UBA2: variants seen among roughly 807,000 people sequenced by gnomAD.
UBA2 encodes the protein ubiquitin like modifier activating enzyme 2.
UBA2 carries 11 observed loss-of-function variants against 77.2 expected under a neutral mutation model. The ratio of observed to expected loss-of-function variants is 0.14; its 90% CI spans 0.09 to 0.24. UBA2 has a LOEUF of 0.24. Ranked by LOEUF, UBA2 falls within the 10% of genes least tolerant of loss-of-function variation. UBA2 has a pLI of 1.00. For synonymous variants in UBA2, 278 were observed against 276.7 expected, an observed-to-expected ratio of 1.00 and a Z score of -0.05; for missense variants, 487 against 781.7, an observed-to-expected ratio of 0.62 and a Z score of 4.50.
At chr19:34,461,954 C>G (rs2075636113) in intron 14 of UBA2, among the ~76,000 whole-genome samples, 1 of 152,140 alleles carries the variant, frequency 6.6e-6, no homozygotes, top group Admixed American at 6.5e-5. Flanking sequence ...AAGAAGAGAG[C>G]ATTTAGACAG....
chr19:34,445,924 A>C (rs927527022), intron 8 of UBA2, among the ~76,000 whole-genome samples: 1 of 152,064 alleles, frequency 6.6e-6, no homozygotes, highest in African/African-American at 2.4e-5. Context: ...GGGTCTACCT[A>C]ATTATTGTTC....
intron 12 of UBA2, among the ~76,000 whole-genome samples, chr19:34,456,176 G>A (rs1218100205): frequency 7.5e-6 from 1 of 133,320 alleles, no homozygotes; most frequent in Non-Finnish European, 1.6e-5. Flanking sequence ...GTACAGTGAT[G>A]TGATCTCGGC....
At chr19:34,434,772 T>C (rs1164770169) in intron 4 of UBA2, 96 bp from the exon 5 acceptor site, 3 of 887,132 alleles carry the variant, frequency 3.4e-6, no homozygotes, top group African/African-American at 3.4e-5. Flanking sequence ...GTACAAAAAA[T>C]GAAGCCAGTA....
intron 6 of UBA2, among the ~76,000 whole-genome samples, chr19:34,439,333 C>T (rs1487194485): frequency 6.6e-6 from 1 of 151,910 alleles, no homozygotes; most frequent in Non-Finnish European, 1.5e-5. Flanking sequence ...ACAAATAACC[C>T]ATTGGTTATA....
At chr19:34,462,417 G>A (rs949367355) in intron 14 of UBA2, among the ~76,000 whole-genome samples, 3 of 152,140 alleles carry the variant, frequency 2.0e-5, no homozygotes, top group Non-Finnish European at 4.4e-5. Context: ...TGAATGTGAT[G>A]GTTCCAAGAG....
At chr19:34,439,206 CAAAA>C (rs34519506) in intron 6 of UBA2, among the ~76,000 whole-genome samples, 2 of 87,098 alleles carry the variant, frequency 2.3e-5, no homozygotes, top group East Asian at 4.2e-4. Context: ...GAATTTGTCT[CAAAA>C]AAAAAAAAAA....
chr19:34,438,835 T>A lies in UBA2; in HGVS notation c.581+69T>A. 4 of 1,580,262 alleles carry A rather than the reference T, an allele frequency of 2.5e-6. No individual in the cohort carries two copies. The South Asian group carries it at 4.6e-5, about 18-fold the overall frequency. ...GGAAAATGGAGTCATTTTTATTTAA[T>A]TACCTTGAAGAGATTGAACTCAGGA... On this transcript the variant is annotated intron_variant, in intron 6 of 16. Transcript: ENST00000246548.
At chr19:34,467,089 A>ATG in intron 16 of UBA2, 75 bp downstream of exon 16, 1 of 1,542,042 alleles carries the variant, frequency 6.5e-7, no homozygotes, top group Non-Finnish European at 8.9e-7. Context: ...TATTAGGAAC[A>ATG]TTGACCATAA....
In UBA2 at chr19:34,454,353, T is replaced by A; in HGVS notation, c.1132T>A (p.Ser378Thr). The A allele has an allele frequency of 6.2e-7, 1 of 1,609,486 alleles. No individual in the cohort carries two copies. The highest frequency in any genetic ancestry group is 8.5e-7 in the Non-Finnish European group (1 of 1,178,010). The change falls in exon 11 of 17, where the codon TCA becomes ACA. Residue 378 changes from serine to threonine, a missense_variant and splice_region_variant. Ser to Thr is a moderately conservative substitution (Grantham distance 58, BLOSUM62 1). This residue lies in a region of UBA2 where 300 missense variants were observed against 454.3 expected (regional missense o/e 0.66). Coordinates refer to ENST00000246548, the MANE Select transcript of UBA2 (RefSeq NM_005499.3). ...TATGAAGAGTAGATTTGATATCAAA[T>A]GTAAGTTATTTGTACTAAAGTTGTA... ...MNMKSRFDIK[S>T]MAGNIIPAIA...
intron 12 of UBA2, among the ~76,000 whole-genome samples, chr19:34,457,189 T>A (rs1458135029): frequency 2.0e-4 from 24 of 122,164 alleles, no homozygotes; most frequent in South Asian, 1.2e-3. Context: ...AATATATATA[T>A]ATATATATAT....
intron 6 of UBA2, among the ~76,000 whole-genome samples, chr19:34,443,599 G>A (rs187713372): frequency 6.6e-6 from 1 of 152,018 alleles, no homozygotes; most frequent in East Asian, 1.9e-4. Context: ...GCGCTACCAC[G>A]CCTGGCTAAT....
At chr19:34,462,175 C>T (rs746523608) in intron 14 of UBA2, among the ~76,000 whole-genome samples, 3 of 152,104 alleles carry the variant, frequency 2.0e-5, no homozygotes, top group Admixed American at 6.5e-5. Flanking sequence ...TTCACTGCCA[C>T]CTGCCACCAG....
At chr19:34,465,896 C>T (rs1266714232) in intron 15 of UBA2, among the ~76,000 whole-genome samples, 8 of 152,054 alleles carry the variant, frequency 5.3e-5, no homozygotes, top group African/African-American at 9.7e-5. Flanking sequence ...AGAACCCCAC[C>T]CCTTAAAACG....
At chr19:34,438,930 C>T (rs764921468) in intron 6 of UBA2, among the ~76,000 whole-genome samples, 164 bp downstream of exon 6, 51 of 152,008 alleles carry the variant, frequency 3.4e-4, no homozygotes, top group Admixed American at 7.9e-4. Flanking sequence ...TGTAGCTGGC[C>T]GGGTGCGGTG....
chr19:34,456,149 G>C (rs1166641156), intron 12 of UBA2, among the ~76,000 whole-genome samples: 2 of 111,558 alleles, frequency 1.8e-5, no homozygotes, highest in Non-Finnish European at 3.5e-5. Flanking sequence ...CTCTCACCCA[G>C]GCTGGAGTAC....
At chr19:34,454,858 T>C (rs1454082769) in intron 12 of UBA2, among the ~76,000 whole-genome samples, 2 of 152,360 alleles carry the variant, frequency 1.3e-5, no homozygotes, top group East Asian at 3.9e-4. Flanking sequence ...CTGAGAGTGC[T>C]ATATGGGTTT....
At chr19:34,458,036 C>G (rs893401505) in intron 12 of UBA2, among the ~76,000 whole-genome samples, 3 of 152,094 alleles carry the variant, frequency 2.0e-5, no homozygotes, top group Admixed American at 1.3e-4. Context: ...AAGGCACTAT[C>G]GTTAACTGGA....
At chr19:34,464,189 A>G in intron 15 of UBA2, 58 bp downstream of exon 15, 1 of 1,165,954 alleles carries the variant, frequency 8.6e-7, no homozygotes, top group South Asian at 1.3e-5. Flanking sequence ...AACTTTAGAC[A>G]AAATGAAGGA....
Position 34,452,158 on chromosome 19 carries a change from A to T in UBA2, c.1038+11A>T, listed in dbSNP as rs752849445. ...CTCATATGGGATAAGGTTCGTTTTG[A>T]CAATGTGTGGCAAGTACTTACATGT... is the stretch of plus-strand genomic sequence containing the variant. On this transcript the variant is annotated intron_variant, in intron 10 of 16. Coordinates refer to ENST00000246548, the MANE Select transcript of UBA2 (RefSeq NM_005499.3). The T allele has an allele frequency of 2.0e-5, 32 of 1,571,242 alleles. No individual in the cohort carries two copies. The East Asian group carries it at 7.1e-4, about 35-fold the overall frequency.
Sources: allele counts gnomAD v4.1 joint callset (sites outside exome capture counted in the v4.1 genomes callset), GRCh38; gene constraint gnomAD v4.1.1; regional missense constraint gnomAD v4.1.1; transcripts MANE v1.5; gene names NCBI Gene and HGNC (gene_info 2026-07-23, HGNC 2026-07-21).